LRP1B: variants seen among roughly 807,000 people sequenced by gnomAD.
LRP1B encodes low-density lipoprotein receptor-related protein 1B.
A neutral mutation model predicts 556.6 loss-of-function variants in LRP1B; 217 were observed. That is an observed-to-expected ratio of 0.39 (90% CI 0.35 to 0.44). The LOEUF is 0.44. LRP1B is among the 20% of genes least tolerant of loss of function. The pLI, the probability that LRP1B is intolerant of heterozygous loss-of-function variation, is 1.00. For missense variants in LRP1B, 5,053 were observed against 5,620.8 expected, an observed-to-expected ratio of 0.90 and a Z score of 3.23; for synonymous variants, 2,047 against 1,865.8, an observed-to-expected ratio of 1.10 and a Z score of -2.50.
chr2:140,408,108 T>C (rs1684823639), intron 66 of LRP1B, among the ~76,000 whole-genome samples: 1 of 151,972 alleles, frequency 6.6e-6, no homozygotes, highest in African/African-American at 2.4e-5. Flanking sequence ...TGTTCTCCCT[T>C]ATAAGTGGAA....
At chr2:140,926,896 A>T (rs896206067) in intron 20 of LRP1B, among the ~76,000 whole-genome samples, 4 of 152,136 alleles carry the variant, frequency 2.6e-5, no homozygotes, top group African/African-American at 4.8e-5. Flanking sequence ...CATCCTGTGT[A>T]ACTTGCATTG....
At chr2:140,274,936 C>G (rs1682607334) in intron 84 of LRP1B, among the ~76,000 whole-genome samples, 1 of 151,952 alleles carries the variant, frequency 6.6e-6, no homozygotes, top group African/African-American at 2.4e-5. Context: ...AACAGAAATG[C>G]TTAACATTTC....
chr2:140,360,498 T>C (rs1682456924), intron 72 of LRP1B, among the ~76,000 whole-genome samples: 1 of 151,570 alleles, frequency 6.6e-6, no homozygotes, highest in South Asian at 2.1e-4. Flanking sequence ...TAAAACAAAA[T>C]AATGTTATTT....
chr2:140,911,445 T>C (rs969637069), intron 21 of LRP1B, among the ~76,000 whole-genome samples: 5 of 151,736 alleles, frequency 3.3e-5, no homozygotes, highest in Non-Finnish European at 7.4e-5. Context: ...CAAAATATAT[T>C]AGCTTATTTT....
chr2:141,861,358 C>T (rs937503193), intron 1 of LRP1B, among the ~76,000 whole-genome samples: 2 of 152,172 alleles, frequency 1.3e-5, no homozygotes, highest in Admixed American at 1.3e-4. Flanking sequence ...AACTGATTAA[C>T]AACTTCTACA....
intron 18 of LRP1B, among the ~76,000 whole-genome samples, chr2:140,975,215 A>C (rs2105334492): frequency 6.6e-6 from 1 of 152,270 alleles, no homozygotes; most frequent in Non-Finnish European, 1.5e-5. Flanking sequence ...TGGGGAATAA[A>C]AGAAACCTAG....
At chr2:140,750,784 C>T (rs1018310150) in intron 35 of LRP1B, among the ~76,000 whole-genome samples, 7 of 152,042 alleles carry the variant, frequency 4.6e-5, no homozygotes, top group Non-Finnish European at 4.4e-5. Context: ...ACAGGTATCT[C>T]CTCAAGCATA....
At chr2:140,841,195 T>G in intron 29 of LRP1B, 103 bp from the exon 30 acceptor site, 1 of 709,354 alleles carries the variant, frequency 1.4e-6, no homozygotes, top group South Asian at 2.4e-5. Flanking sequence ...AATTTATACT[T>G]TAATTTGTTA....
intron 3 of LRP1B, among the ~76,000 whole-genome samples, chr2:141,286,431 G>T (rs1685723938): frequency 1.3e-5 from 2 of 151,988 alleles, no homozygotes; most frequent in African/African-American, 4.8e-5. Flanking sequence ...AAAATTATTT[G>T]CAATGTCTCT....
intron 25 of LRP1B, among the ~76,000 whole-genome samples, chr2:140,869,309 G>A (rs543052904): frequency 1.2e-4 from 19 of 152,158 alleles, no homozygotes; most frequent in South Asian, 6.2e-4. Flanking sequence ...CCTGGAGTTC[G>A]CTGAACTGCA....
intron 1 of LRP1B, among the ~76,000 whole-genome samples, chr2:141,922,349 C>A (rs1232285017): frequency 6.6e-6 from 1 of 152,176 alleles, no homozygotes; most frequent in Non-Finnish European, 1.5e-5. Flanking sequence ...ACTATTTACT[C>A]TAAGGACTTA....
chr2:141,455,238 T>A lies in LRP1B; in HGVS notation c.343+25158A>T, dbSNP rs191186989. On this transcript the variant is annotated intron_variant, in intron 3 of 90. Coordinates refer to ENST00000389484, the MANE Select transcript of LRP1B (RefSeq NM_018557.3). ...TGATGTCTACCTATCTGAATAACCATCTTAATCATTAAAAAAAAAAAAGGA... is the reference window on the plus strand; with the variant it reads ...TGATGTCTACCTATCTGAATAACCAACTTAATCATTAAAAAAAAAAAAGGA... Among the ~76,000 whole-genome samples the A allele has an allele frequency of 4.6e-4, 69 of 150,624 alleles. No homozygotes were observed. In the East Asian group the frequency reaches 0.011, roughly 24 times the overall value.
intron 2 of LRP1B, among the ~76,000 whole-genome samples, chr2:141,487,695 A>G (rs977093075): frequency 2.0e-5 from 3 of 152,120 alleles, no homozygotes; most frequent in Non-Finnish European, 2.9e-5. Flanking sequence ...ATCTTTCTTT[A>G]TGCAATTCCA....
intron 2 of LRP1B, among the ~76,000 whole-genome samples, chr2:141,722,003 T>C (rs192903816): frequency 6.6e-6 from 1 of 152,304 alleles, no homozygotes; most frequent in East Asian, 1.9e-4. Flanking sequence ...CTCTAATCTT[T>C]AGGTAAAACC....
intron 20 of LRP1B, among the ~76,000 whole-genome samples, chr2:140,938,750 G>A (rs1381199318): frequency 2.0e-5 from 3 of 151,974 alleles, no homozygotes; most frequent in African/African-American, 7.2e-5. Context: ...GACAATTAGT[G>A]GGTCACTAAC....
chr2:140,882,411 A>G (rs1051044546), intron 25 of LRP1B, among the ~76,000 whole-genome samples: 1 of 152,194 alleles, frequency 6.6e-6, no homozygotes, highest in Non-Finnish European at 1.5e-5. Flanking sequence ...AGACTACATA[A>G]ACTAGAGAAT....
At chr2:140,707,647 C>T (rs531167690) in intron 37 of LRP1B, among the ~76,000 whole-genome samples, 5 of 152,094 alleles carry the variant, frequency 3.3e-5, no homozygotes, top group Non-Finnish European at 2.9e-5. Flanking sequence ...TTTATGAGTA[C>T]ATGATTGGAC....
chr2:141,196,277 G>A (rs1457150830), intron 6 of LRP1B, among the ~76,000 whole-genome samples: 7 of 151,908 alleles, frequency 4.6e-5, no homozygotes, highest in South Asian at 2.1e-4. Context: ...TTTTGGCTAC[G>A]TCAAGTGCAT....
At chr2:141,765,738 G>A (rs534340904) in intron 2 of LRP1B, among the ~76,000 whole-genome samples, 3 of 152,232 alleles carry the variant, frequency 2.0e-5, no homozygotes, top group African/African-American at 7.2e-5. Context: ...AGCAAAGGTC[G>A]CTTATAGAGC....
Sources: allele counts gnomAD v4.1 joint callset (sites outside exome capture counted in the v4.1 genomes callset), GRCh38; gene constraint gnomAD v4.1.1; transcripts MANE v1.5; gene names NCBI Gene and HGNC (gene_info 2026-07-23, HGNC 2026-07-21).